Variants in APLP2 observed in about 807,000 individuals in gnomAD.
APLP2 encodes amyloid beta precursor like protein 2.
In APLP2, 53 loss-of-function variants were observed where a neutral mutation model predicts 89.9. The ratio of observed to expected loss-of-function variants is 0.59; its 90% CI spans 0.47 to 0.74. The LOEUF (loss-of-function observed/expected upper bound fraction) is 0.74. Among genes scored for constraint, APLP2 ranks in the 30% least tolerant of loss-of-function variants. The probability of loss-of-function intolerance (pLI) is 0.00; values close to 1 mark genes in which losing one functional copy is unlikely to be tolerated. For missense variants in APLP2, 973 were observed against 975.9 expected, an observed-to-expected ratio of 1.00 and a Z score of 0.04; for synonymous variants, 372 against 348.6, an observed-to-expected ratio of 1.07 and a Z score of -0.75.
intron 9 of APLP2, 150 bp downstream of exon 9, chr11:130,127,990 AC>A: frequency 3.0e-6 from 2 of 666,784 alleles, no homozygotes; most frequent in Non-Finnish European, 5.1e-6. Context: ...TTTCTTTTTC[AC>A]CTCAAGTATT....
intron 3 of APLP2, among the ~76,000 whole-genome samples, chr11:130,116,008 T>C (rs942490684): frequency 6.6e-6 from 1 of 152,232 alleles, no homozygotes; most frequent in African/African-American, 2.4e-5. Flanking sequence ...TGGATACACA[T>C]GGAAATGTAT....
chr11:130,095,112 A>G (rs1335586892), intron 1 of APLP2, among the ~76,000 whole-genome samples: 1 of 152,178 alleles, frequency 6.6e-6, no homozygotes, highest in Non-Finnish European at 1.5e-5. Flanking sequence ...TGTTATAATG[A>G]GATAGACCAG....
chr11:130,119,317 C>T (rs1168872837), intron 3 of APLP2, among the ~76,000 whole-genome samples: 4 of 152,238 alleles, frequency 2.6e-5, no homozygotes, highest in Non-Finnish European at 5.9e-5. Context: ...ACATGGCAGA[C>T]GTATGCCCAG....
chr11:130,076,692 A>C (rs185128173), intron 1 of APLP2, among the ~76,000 whole-genome samples: 1 of 151,940 alleles, frequency 6.6e-6, no homozygotes, highest in Non-Finnish European at 1.5e-5. Context: ...CCTTGGGCAC[A>C]CTCCCCAGTG....
chr11:130,088,562 T>C (rs1281588780), intron 1 of APLP2, among the ~76,000 whole-genome samples: 1 of 152,050 alleles, frequency 6.6e-6, no homozygotes, highest in Non-Finnish European at 1.5e-5. Context: ...AAAGCAAATG[T>C]CATCTTCTCT....
At chr11:130,070,719 C>A (rs772429507) in intron 1 of APLP2, 20 of 1,470,196 alleles carry the variant, frequency 1.4e-5, no homozygotes, top group Non-Finnish European at 1.8e-5. Flanking sequence ...TGTTTGCCTG[C>A]GTCCGTAGAC....
chr11:130,115,365 A>G (rs902264981), intron 3 of APLP2, among the ~76,000 whole-genome samples: 3 of 152,196 alleles, frequency 2.0e-5, no homozygotes, highest in African/African-American at 7.2e-5. Context: ...AGGCTTCCTC[A>G]AGTAGGTAAA....
chr11:130,105,372 C>A (rs1392664837), intron 1 of APLP2, among the ~76,000 whole-genome samples: 1 of 152,082 alleles, frequency 6.6e-6, no homozygotes, highest in Non-Finnish European at 1.5e-5. Context: ...GCTGAGATTG[C>A]CCCATTGCAC....
intron 1 of APLP2, among the ~76,000 whole-genome samples, chr11:130,104,889 A>T (rs545403807): frequency 2.8e-4 from 43 of 152,320 alleles, no homozygotes; most frequent in African/African-American, 1.0e-3. Flanking sequence ...GCTTTCTCCC[A>T]GCTGTCCAAC....
At chr11:130,081,236 T>C (rs1001074719) in intron 1 of APLP2, among the ~76,000 whole-genome samples, 4 of 152,212 alleles carry the variant, frequency 2.6e-5, no homozygotes, top group Admixed American at 2.0e-4. Context: ...GGGATCACAC[T>C]TGATGGTTTG....
intron 13 of APLP2, among the ~76,000 whole-genome samples, chr11:130,138,581 G>GTT (rs34805457): frequency 0.033 from 3,039 of 91,236 alleles, 65 homozygotes; most frequent in African/African-American, 0.045. Context: ...CTGGTGGTAG[G>GTT]TTTTTTTTTT....
chr11:130,139,465 T>C (rs1952075205), intron 13 of APLP2: 1 of 152,202 alleles, frequency 6.6e-6, no homozygotes, highest in African/African-American at 2.4e-5. Flanking sequence ...GACGTTTATA[T>C]TGAACTGTAT....
chr11:130,082,187 T>G (rs7944280), intron 1 of APLP2, among the ~76,000 whole-genome samples: 12,712 of 152,190 alleles, frequency 0.084, 1,452 homozygotes, highest in African/African-American at 0.26. Flanking sequence ...TCATTTTTTT[T>G]TTTGTTTGTT....
At chr11:130,117,908 C>T (rs1184091604) in intron 3 of APLP2, among the ~76,000 whole-genome samples, 1 of 151,908 alleles carries the variant, frequency 6.6e-6, no homozygotes, top group Non-Finnish European at 1.5e-5. Flanking sequence ...ACCCGTCTCT[C>T]TACTAAAAAT....
chr11:130,122,245 A>G, intron 5 of APLP2, 60 bp from the exon 6 acceptor site: 1 of 1,577,406 alleles, frequency 6.3e-7, no homozygotes. Context: ...GAAGGGACCC[A>G]TTGTTGTGCT....
chr11:130,135,560 C>G lies in APLP2; in HGVS notation c.1685-3C>G. The G allele has an allele frequency of 6.2e-7, 1 of 1,613,986 alleles. No homozygotes were observed. Among genetic ancestry groups the G allele is most frequent in the Non-Finnish European group, 8.5e-7 (1 of 1,179,914 alleles). On this transcript the variant is annotated splice_polypyrimidine_tract_variant and splice_region_variant and intron_variant, in intron 12 of 16. Transcript: ENST00000338167. ...TTTCTGTCCCCTGCCCTGTCTTCATCAGATGAGCTCCTTCAGGAGCAGCGT... is the reference window on the plus strand; with the variant it reads ...TTTCTGTCCCCTGCCCTGTCTTCATGAGATGAGCTCCTTCAGGAGCAGCGT...
intron 1 of APLP2, among the ~76,000 whole-genome samples, chr11:130,080,697 CTTTT>C (rs375026553): frequency 1.5e-5 from 2 of 130,228 alleles, no homozygotes. Flanking sequence ...ATTTATCTTT[CTTTT>C]TTTTTTTTTT....
intron 1 of APLP2, chr11:130,070,526 C>CCT (rs1258140326): frequency 8.0e-7 from 1 of 1,247,366 alleles, no homozygotes; most frequent in African/African-American, 1.6e-5. Flanking sequence ...GGCACCGGGG[C>CCT]CTCGGCTCCG....
At chr11:130,105,564 GTTTA>G (rs1345518786) in intron 1 of APLP2, among the ~76,000 whole-genome samples, 1 of 152,076 alleles carries the variant, frequency 6.6e-6, no homozygotes, top group Non-Finnish European at 1.5e-5. Flanking sequence ...ACTGTTATTT[GTTTA>G]TTTATTTTAA....
Sources: gnomAD v4.1 joint callset for allele counts (sites outside exome capture counted in the v4.1 genomes callset) on GRCh38, gnomAD v4.1.1 for gene constraint, MANE v1.5 for transcripts, NCBI Gene and HGNC (gene_info 2026-07-23, HGNC 2026-07-21) for gene names.